Variants in WDR13 observed in about 807,000 individuals in gnomAD.
WDR13 encodes the protein WD repeat domain 13, also known as WD repeat-containing protein 13.
A neutral mutation model predicts 28.6 loss-of-function variants in WDR13; 1 was observed. The observed-to-expected ratio is 0.03, with a 90% CI of 0.01 to 0.17. WDR13 has a LOEUF of 0.17. Among genes scored for constraint, WDR13 ranks in the 10% least tolerant of loss-of-function variants. WDR13 has a pLI of 1.00. For synonymous variants in WDR13, 201 were observed against 185.9 expected (o/e 1.08, Z -0.66); for missense variants, 264 against 469.3 (o/e 0.56, Z 4.04).
rs782734233 is a variant in WDR13, at chrX:48,605,057, C to T, written c.*25C>T. On this transcript the variant is annotated 3_prime_UTR_variant, in exon 10 of 10. Transcript: ENST00000376729. Reference sequence around the variant, plus strand: ...GGGTCCTGTCGGCCCTGCTGCTGTCCTCCATCCCACCCCTCTTACTCCAGC... The same window carrying T: ...GGGTCCTGTCGGCCCTGCTGCTGTCTTCCATCCCACCCCTCTTACTCCAGC... 14 of 1,184,661 alleles carry T rather than the reference C, an allele frequency of 1.2e-5. No individual in the cohort carries two copies. The highest frequency in any genetic ancestry group is 1.5e-5 in the Non-Finnish European group (13 of 877,584).
Position 48,604,285 on chromosome X carries a change from G to A in WDR13, c.1168G>A (p.Glu390Lys). 2.5e-6 allele frequency: 3 copies of A among 1,211,329 alleles called. No homozygotes were observed. The highest frequency in any genetic ancestry group is 3.4e-6 in the Non-Finnish European group (3 of 895,159). The change falls in exon 9 of 10, where the codon GAG (glutamate) becomes AAG (lysine). Residue 390 changes from glutamate to lysine, a missense_variant. Around this residue, in one of 4 missense-constraint regions of WDR13, gnomAD observed 157 missense variants for 270.2 expected, o/e 0.58. Transcript: ENST00000376729. ...KLLLYRVVDNEGTLQLKRSFP... is the reference protein window; with the variant it reads ...KLLLYRVVDNKGTLQLKRSFP... ...TCATCCTCTCAGGGTGGTAGACAAC[G>A]AGGGGACCCTGCAGCTGAAGAGAAG...
At position 48,608,715 on chromosome X, in the gene WDR13, G is replaced by A. The variant is rs1412571483; in HGVS notation, c.*3683G>A. 1.8e-5 allele frequency: 2 copies of A among 111,746 alleles called. No individual in the cohort carries two copies. Among genetic ancestry groups the A allele is most frequent in the African/African-American group, 6.5e-5 (2 of 30,741 alleles). The allele number at this position is 111,746 out of a possible 1,213,427, so 9.2% of individuals were successfully genotyped here. A position where few individuals can be genotyped will look rare whatever the true frequency, so the allele number is the denominator to read the frequency against. The stretch of plus-strand genomic sequence containing the variant: ...TTCAAGATGATTGATTGTGAATATT[G>A]TTGTGCATGATTTTGGGGGTTTCCT... On this transcript the variant is annotated 3_prime_UTR_variant, in exon 10 of 10. Transcript: ENST00000376729.
rs2062234679 is a variant in WDR13 at position 48,608,462 on chromosome X, G to C, written c.*3430G>C. The C allele has an allele frequency of 9.0e-6, 1 of 111,620 alleles. No homozygotes were observed. Among genetic ancestry groups the C allele is most frequent in the Non-Finnish European group, 1.9e-5 (1 of 53,098 alleles). The allele number at this position is 111,620 out of a possible 1,213,427, so 9.2% of individuals were successfully genotyped here. On this transcript the variant is annotated 3_prime_UTR_variant, in exon 10 of 10. Coordinates refer to ENST00000376729, the MANE Select transcript of WDR13 (RefSeq NM_001347217.2). ...TTAGGGAATGGTGGGAACCCTCCTG[G>C]AGTCTATGTTCTTAGACACCACCCA...
chrX:48,603,785 T>C (rs1295047052), intron 8 of WDR13, among the ~76,000 whole-genome samples: 2 of 111,620 alleles, frequency 1.8e-5, no homozygotes, highest in African/African-American at 6.5e-5. Context: ...TTTTCCACAG[T>C]GTGGGCATAC....
At chrX:48,604,786 G>C (rs2062211349) in intron 9 of WDR13, 62 bp from the exon 10 acceptor site, 1 of 1,141,206 alleles carries the variant, frequency 8.8e-7, no homozygotes, top group Admixed American at 2.4e-5. Flanking sequence ...AGACACCTCA[G>C]GGACTTCCCA....
Position 48,598,926 on chromosome X carries a change from G to A in WDR13, c.251G>A (p.Arg84His). The change falls in exon 3 of 10, where the codon CGC becomes CAC. Residue 84 changes from arginine (R) to histidine (H), a missense_variant. Physicochemically the swap from Arg to His is conservative, Grantham distance 29. This residue lies in a region of WDR13 where 74 missense variants were observed against 89.3 expected (regional missense o/e 0.83). Transcript: ENST00000376729. ...CGTGCCTATAGCAACAGCATCGTCC[G>A]CAGTAGCCGCACTACTCTTGACCGC... ...SARAYSNSIV[R>H]SSRTTLDRME... 1 of 1,207,230 alleles carries A rather than the reference G, an allele frequency of 8.3e-7. No homozygotes were observed. The highest frequency in any genetic ancestry group is 1.1e-6 in the Non-Finnish European group (1 of 893,502).
chrX:48,599,000 C>T, intron 3 of WDR13, 43 bp downstream of exon 3: 1 of 1,167,073 alleles, frequency 8.6e-7, no homozygotes, highest in Non-Finnish European at 1.1e-6. Context: ...ACCCTGCCTG[C>T]ACACATTCAC....
intron 6 of WDR13, 106 bp from the exon 7 acceptor site, chrX:48,601,678 A>G: frequency 1.3e-6 from 1 of 799,747 alleles, no homozygotes; most frequent in South Asian, 3.7e-5. Context: ...TTGTGAATAG[A>G]CTCTAATAGG....
rs901106089 is a variant in WDR13 at position 48,600,434 on chromosome X, A to T, written c.639A>T (p.Leu213=). The change falls in exon 6 of 10, where the codon CTA becomes CTT. Residue 213 remains leucine (L), a synonymous_variant. Coordinates refer to ENST00000376729, the MANE Select transcript of WDR13 (RefSeq NM_001347217.2). ...VPAPPTVLRV[L]RGHTRGVSDF... ...CCCCACCCACAGTGCTTCGCGTGCT[A>T]CGGGGCCACACCCGTGGTGTCTCCG... 8.2e-7 allele frequency: 1 copy of T among 1,212,151 alleles called. No individual in the cohort carries two copies. The highest frequency in any genetic ancestry group is 1.1e-6 in the Non-Finnish European group (1 of 895,630).
chrX:48,598,649 C>CA (rs1195642602), intron 2 of WDR13, 68 bp from the exon 3 acceptor site: 2 of 790,152 alleles, frequency 2.5e-6, no homozygotes, highest in African/African-American at 2.5e-5. Flanking sequence ...CTGCCGTACC[C>CA]CCCCCCCCGA....
In WDR13 at chrX:48,607,394, G is replaced by GGGGGT. The variant is rs1556996248; in HGVS notation, c.*2362_*2363insGGGGT. On this transcript the variant is annotated 3_prime_UTR_variant, in exon 10 of 10. Transcript: ENST00000376729. ...GTTTTTTTTTGGCGGGGGGGGGGGG[G>GGGGGT]TCTTGCTCTGACGCCCAGGCTGGAA... 6 of 37,912 alleles carry GGGGGT rather than the reference G, an allele frequency of 1.6e-4. No homozygotes were observed. Among genetic ancestry groups the GGGGGT allele is most frequent in the African/African-American group, 1.4e-4 (2 of 14,736 alleles). The allele number at this position is 37,912 out of a possible 1,213,427, so 3.1% of individuals were successfully genotyped here.
chrX:48,601,548 G>A (rs782280915), intron 6 of WDR13, among the ~76,000 whole-genome samples: 1 of 112,508 alleles, frequency 8.9e-6, no homozygotes, highest in African/African-American at 3.2e-5. Flanking sequence ...GGGGCAGCAT[G>A]ATGGCTCTGA....
In WDR13 at chrX:48,605,068, C is replaced by T; in HGVS notation, c.*36C>T. ...GCCCTGCTGCTGTCCTCCATCCCAC[C>T]CCTCTTACTCCAGCCTCGTGTTGTA... On this transcript the variant is annotated 3_prime_UTR_variant, in exon 10 of 10. Coordinates refer to ENST00000376729, the MANE Select transcript of WDR13 (RefSeq NM_001347217.2). 1.7e-6 allele frequency: 2 copies of T among 1,174,787 alleles called. No individual in the cohort carries two copies. Among genetic ancestry groups the T allele is most frequent in the Non-Finnish European group, 2.3e-6 (2 of 871,037 alleles).
intron 2 of WDR13, 108 bp from the exon 3 acceptor site, chrX:48,598,609 G>A: frequency 9.1e-7 from 1 of 1,099,946 alleles, no homozygotes; most frequent in Non-Finnish European, 1.2e-6. Flanking sequence ...TACCACCTAG[G>A]CCCCAGTCAC....
rs2062172016 is a variant in WDR13 at position 48,599,875 on chromosome X, G to A, written c.523+158G>A. 3 of 814,399 alleles carry A rather than the reference G, an allele frequency of 3.7e-6. No individual in the cohort carries two copies. In the South Asian group the frequency reaches 8.0e-5, roughly 22 times the overall value. The allele number at this position is 814,399 out of a possible 1,213,427, so 67.1% of individuals were successfully genotyped here. ...TAGACTGAAAATCCCTCTGCAAAGT[G>A]GTCAGTGCTTCGTCTACTGGAAAGG... On this transcript the variant is annotated intron_variant, in intron 5 of 9. Coordinates refer to ENST00000376729, the MANE Select transcript of WDR13 (RefSeq NM_001347217.2).
intron 3 of WDR13, 45 bp downstream of exon 3, chrX:48,599,002 C>T (rs372861597): frequency 7.7e-6 from 9 of 1,163,662 alleles, no homozygotes; most frequent in Non-Finnish European, 6.9e-6. Flanking sequence ...CCTGCCTGCA[C>T]ACATTCACTC....
Position 48,604,299 on chromosome X carries a change from G to A in WDR13, c.1182G>A (p.Gln394=). The A allele has an allele frequency of 8.3e-7, 1 of 1,211,616 alleles. No individual in the cohort carries two copies. Among genetic ancestry groups the A allele is most frequent in the Non-Finnish European group, 1.1e-6 (1 of 895,354 alleles). ...YRVVDNEGTL[Q]LKRSFPIEQS... ...TGGTAGACAACGAGGGGACCCTGCA[G>A]CTGAAGAGAAGCTTCCCCATCGAGC... The change falls in exon 9 of 10, where the codon CAG becomes CAA. Residue 394 remains glutamine (Q), a synonymous_variant. Transcript: ENST00000376729.
chrX:48,601,673 A>C, intron 6 of WDR13, 111 bp from the exon 7 acceptor site: 1 of 768,609 alleles, frequency 1.3e-6, no homozygotes, highest in South Asian at 3.8e-5. Flanking sequence ...CCCTATTGTG[A>C]ATAGACTCTA....
At chrX:48,603,667 A>AT (rs2062202406) in intron 8 of WDR13, among the ~76,000 whole-genome samples, 1 of 110,265 alleles carries the variant, frequency 9.1e-6, no homozygotes, top group Admixed American at 9.7e-5. Flanking sequence ...GAAAGAAAAA[A>AT]GAAATGGCCT....
Sources: gnomAD v4.1 joint callset for allele counts (sites outside exome capture counted in the v4.1 genomes callset) on GRCh38, gnomAD v4.1.1 for gene constraint, gnomAD v4.1.1 regional missense constraint, MANE v1.5 for transcripts, NCBI Gene and HGNC (gene_info 2026-07-23, HGNC 2026-07-21) for gene names.